The following PCGF5 variants were observed in gnomAD, a reference collection of about 807,000 sequenced individuals.
PCGF5 encodes polycomb group ring finger 5.
In PCGF5, 9 loss-of-function variants were observed where a neutral mutation model predicts 44.3. The observed-to-expected ratio is 0.20, with a 90% CI of 0.12 to 0.35. The LOEUF (loss-of-function observed/expected upper bound fraction) is 0.35. PCGF5 is among the 10% of genes least tolerant of loss of function. PCGF5 has a pLI of 1.00. For synonymous variants in PCGF5, 95 were observed against 102.5 expected, an observed-to-expected ratio of 0.93 and a Z score of 0.44; for missense variants, 146 against 305.3, an observed-to-expected ratio of 0.48 and a Z score of 3.89.
At chr10:91,194,875 T>C (rs1844098953) in intron 1 of PCGF5, among the ~76,000 whole-genome samples, 1 of 152,126 alleles carries the variant, frequency 6.6e-6, no homozygotes, top group Non-Finnish European at 1.5e-5. Context: ...CAAAAGTTGA[T>C]GATATAAGGG....
intron 1 of PCGF5, among the ~76,000 whole-genome samples, chr10:91,203,269 T>G (rs926191686): frequency 6.6e-6 from 1 of 152,210 alleles, no homozygotes; most frequent in African/African-American, 2.4e-5. Context: ...ACAGGATGAT[T>G]GCATGTCTTT....
chr10:91,177,758 T>C (rs7081882), intron 1 of PCGF5, among the ~76,000 whole-genome samples: 70,513 of 152,040 alleles, frequency 0.46, 16,454 homozygotes, highest in East Asian at 0.61. Flanking sequence ...GTCGGAAAAG[T>C]GCAGTATTAG....
Position 91,205,070 on chromosome 10 carries a change from T to C in PCGF5, c.-183-17619T>C, listed in dbSNP as rs1289695672. On this transcript the variant is annotated intron_variant, in intron 1 of 9. Coordinates refer to the PCGF5 transcript ENST00000614189. ...AAACTAAGTTATATGTAACACAGTT[T>C]AGGTTGCTAATTCTTATGGTCCAGT... Among the ~76,000 whole-genome samples the C allele has an allele frequency of 2.0e-5, 3 of 152,218 alleles. No individual in the cohort carries two copies. The East Asian group carries it at 5.8e-4, about 29-fold the overall frequency.
chr10:91,257,083 G>A (rs1845771833), intron 6 of PCGF5, among the ~76,000 whole-genome samples: 1 of 152,026 alleles, frequency 6.6e-6, no homozygotes, highest in Non-Finnish European at 1.5e-5. Flanking sequence ...TTAATGTACA[G>A]GTATATGAAG....
intron 1 of PCGF5, among the ~76,000 whole-genome samples, chr10:91,180,019 T>C (rs1338821231): frequency 6.6e-6 from 1 of 152,092 alleles, no homozygotes; most frequent in Non-Finnish European, 1.5e-5. Context: ...TATTTTTTTT[T>C]ACTTTTTAAT....
Position 91,251,323 on chromosome 10 carries a change from A to G in PCGF5, c.357A>G (p.Val119=). 6.2e-7 allele frequency: 1 copy of G among 1,610,166 alleles called. No individual in the cohort carries two copies. The highest frequency in any genetic ancestry group is 1.1e-5 in the South Asian group (1 of 90,934). Residue 119 remains valine, a synonymous_variant, in exon 6 of 10, where the codon GTA becomes GTG. Coordinates refer to ENST00000336126, the MANE Select transcript of PCGF5 (RefSeq NM_032373.5). The stretch of plus-strand genomic sequence containing the variant: ...CTTCAAAAGCTGACAAACCGAAAGT[A>G]GATGAAGAAGGTGATGAAAATGAAG... ...DDTSKADKPK[V]DEEGDENEDD...
chr10:91,169,404 C>T (rs1030217009), intron 1 of PCGF5, among the ~76,000 whole-genome samples: 1 of 152,064 alleles, frequency 6.6e-6, no homozygotes, highest in East Asian at 1.9e-4. Context: ...ACAAAAAAAC[C>T]TCCTGGAACT....
At chr10:91,223,609 T>A (rs1036485191) in intron 2 of PCGF5, among the ~76,000 whole-genome samples, 1 of 152,206 alleles carries the variant, frequency 6.6e-6, no homozygotes, top group Non-Finnish European at 1.5e-5. Flanking sequence ...GGAAGAGGCA[T>A]TTTTTACTGC....
chr10:91,188,224 G>A (rs990088535), intron 1 of PCGF5, among the ~76,000 whole-genome samples: 5 of 152,200 alleles, frequency 3.3e-5, no homozygotes, highest in South Asian at 4.1e-4. Context: ...TGGGTGCAGC[G>A]CACCATGCGC....
At chr10:91,234,718 C>T (rs1392360683) in intron 2 of PCGF5, among the ~76,000 whole-genome samples, 1 of 152,124 alleles carries the variant, frequency 6.6e-6, no homozygotes. Flanking sequence ...TACAAGTTAC[C>T]AGACACTGTA....
Position 91,264,305 on chromosome 10 carries a change from C to T in PCGF5, c.574-126C>T, listed in dbSNP as rs1468715228. 29 of 694,588 alleles carry T rather than the reference C, an allele frequency of 4.2e-5. 1 individual carries two copies. The highest frequency in any genetic ancestry group is 2.3e-6 in the Non-Finnish European group (1 of 427,232). The allele number at this position is 694,588 out of a possible 1,614,324, so 43.0% of individuals were successfully genotyped here. A position where few individuals can be genotyped will look rare whatever the true frequency, so the allele number is the denominator to read the frequency against. On this transcript the variant is annotated intron_variant, in intron 7 of 9. Transcript: ENST00000336126. The stretch of plus-strand genomic sequence containing the variant: ...AATGCTTTAGGAGAATAAATGCCTC[C>T]TATTTAAAATAATGGATAATACTTT...
chr10:91,210,385 A>G (rs1311204751), intron 1 of PCGF5, among the ~76,000 whole-genome samples: 1 of 152,230 alleles, frequency 6.6e-6, no homozygotes, highest in African/African-American at 2.4e-5. Flanking sequence ...CTGTGAAAAC[A>G]TTACTCATTA....
intron 6 of PCGF5, among the ~76,000 whole-genome samples, chr10:91,260,226 G>A (rs1384216059): frequency 2.0e-5 from 3 of 152,054 alleles, no homozygotes; most frequent in Non-Finnish European, 4.4e-5. Flanking sequence ...ATCGTCACTG[G>A]CCATCAGAGA....
intron 1 of PCGF5, among the ~76,000 whole-genome samples, chr10:91,172,055 T>A (rs995836269): frequency 2.6e-5 from 4 of 152,188 alleles, no homozygotes; most frequent in African/African-American, 9.7e-5. Flanking sequence ...TTTAGATATA[T>A]GTGATTTGCC....
intron 2 of PCGF5, chr10:91,227,468 AC>A: frequency 7.8e-7 from 1 of 1,283,550 alleles, no homozygotes; most frequent in Non-Finnish European, 1.0e-6. Flanking sequence ...TTGACTCTTT[AC>A]CCTCACTAAC....
chr10:91,186,192 T>C (rs1404812628), intron 1 of PCGF5, among the ~76,000 whole-genome samples: 1 of 152,250 alleles, frequency 6.6e-6, no homozygotes, highest in Non-Finnish European at 1.5e-5. Context: ...CTAAATCAGC[T>C]GTACCCTCAG....
intron 1 of PCGF5, among the ~76,000 whole-genome samples, chr10:91,170,518 A>T (rs1259016691): frequency 6.6e-6 from 1 of 152,256 alleles, no homozygotes; most frequent in Non-Finnish European, 1.5e-5. Context: ...GATACTGCAC[A>T]TCATATGTCA....
intron 3 of PCGF5, among the ~76,000 whole-genome samples, chr10:91,248,022 G>T (rs1394675613): frequency 1.3e-5 from 2 of 152,098 alleles, no homozygotes; most frequent in African/African-American, 4.8e-5. Context: ...GTCTAAAATG[G>T]CCTTAGCAGG....
intron 2 of PCGF5, 97 bp from the exon 3 acceptor site, chr10:91,240,387 G>T: frequency 4.3e-6 from 3 of 694,214 alleles, no homozygotes; most frequent in Non-Finnish European, 7.4e-6. Context: ...TCTACTTGTA[G>T]TAGGTAGTTT....
Sources: allele counts gnomAD v4.1 joint callset (sites outside exome capture counted in the v4.1 genomes callset), GRCh38; gene constraint gnomAD v4.1.1; transcripts MANE v1.5; gene names NCBI Gene and HGNC (gene_info 2026-07-23, HGNC 2026-07-21).